The following GCSAML variants were observed in gnomAD, a reference collection of about 807,000 sequenced individuals.
GCSAML encodes germinal center-associated signaling and motility-like protein.
A neutral mutation model predicts 13.0 loss-of-function variants in GCSAML; 9 were observed. The observed-to-expected ratio is 0.69, with a 90% CI of 0.42 to 1.21. GCSAML has a LOEUF of 1.21. GCSAML is among the 50% of genes most tolerant of loss of function. The pLI, the probability that GCSAML is intolerant of heterozygous loss-of-function variation, is 0.00. For missense variants in GCSAML, 143 were observed against 153.4 expected (o/e 0.93, Z 0.36); for synonymous variants, 37 against 52.9 (o/e 0.70, Z 1.31).
intron 1 of GCSAML, among the ~76,000 whole-genome samples, chr1:247,518,037 G>T (rs900119835): frequency 6.6e-6 from 1 of 152,152 alleles, no homozygotes; most frequent in Non-Finnish European, 1.5e-5. Context: ...CTTCCTCAGC[G>T]ACCGGGCCCT....
intron 1 of GCSAML, among the ~76,000 whole-genome samples, chr1:247,513,701 G>T (rs1666119943): frequency 6.6e-6 from 1 of 152,164 alleles, no homozygotes; most frequent in South Asian, 2.1e-4. Context: ...CATAGTATCT[G>T]GGGCTGCAGT....
At chr1:247,560,803 G>A (rs1343286982) in intron 2 of GCSAML, among the ~76,000 whole-genome samples, 1 of 152,098 alleles carries the variant, frequency 6.6e-6, no homozygotes, top group Non-Finnish European at 1.5e-5. Context: ...CGAATTTCAA[G>A]CACACGTTGT....
At chr1:247,514,912 C>A (rs1666161432) in intron 1 of GCSAML, among the ~76,000 whole-genome samples, 1 of 152,048 alleles carries the variant, frequency 6.6e-6, no homozygotes, top group African/African-American at 2.4e-5. Flanking sequence ...CAGATTTGTT[C>A]TTTTTGCTTA....
intron 4 of GCSAML, among the ~76,000 whole-genome samples, chr1:247,567,937 G>A (rs114923911): frequency 4.7e-4 from 72 of 152,232 alleles, no homozygotes; most frequent in Admixed American, 9.8e-4. Flanking sequence ...GTGATGATTA[G>A]CTTTTTTTTC....
intron 2 of GCSAML, chr1:247,528,193 C>T (rs939809145): frequency 1.3e-5 from 2 of 151,996 alleles, no homozygotes; most frequent in African/African-American, 4.8e-5. Flanking sequence ...TCCCCTTCCC[C>T]CACCCCCAAG....
intron 3 of GCSAML, among the ~76,000 whole-genome samples, chr1:247,564,459 G>A (rs1175738015): frequency 6.6e-6 from 1 of 150,874 alleles, no homozygotes; most frequent in African/African-American, 2.4e-5. Context: ...ACTCAAAATC[G>A]ACAGTTATGA....
At position 247,575,872 on chromosome 1, in the gene GCSAML, A is replaced by C. The variant is rs1014111659; in HGVS notation, c.*1490A>C. Reference sequence around the variant, plus strand: ...CCATCTAATTATGCTTTCTTTCCCAAGAAGTTTTTTAATGATATGCCAGCT... The same window carrying C: ...CCATCTAATTATGCTTTCTTTCCCACGAAGTTTTTTAATGATATGCCAGCT... On this transcript the variant is annotated 3_prime_UTR_variant, in exon 5 of 5. Coordinates refer to ENST00000366488, the MANE Select transcript of GCSAML (RefSeq NM_145278.5). 1 of 152,232 alleles carries C rather than the reference A, an allele frequency of 6.6e-6. No homozygotes were observed. The highest frequency in any genetic ancestry group is 1.5e-5 in the Non-Finnish European group (1 of 68,046). 9.4% of individuals were successfully genotyped at this position (152,232 alleles called of 1,614,324 possible).
At chr1:247,571,052 C>T (rs113699246) in intron 4 of GCSAML, among the ~76,000 whole-genome samples, 11,924 of 152,134 alleles carry the variant, frequency 0.078, 636 homozygotes, top group African/African-American at 0.15. Context: ...CCATTTGCTT[C>T]GTAAATCTTC....
chr1:247,540,699 G>T (rs1027589628), intron 2 of GCSAML, among the ~76,000 whole-genome samples: 1 of 152,184 alleles, frequency 6.6e-6, no homozygotes, highest in South Asian at 2.1e-4. Flanking sequence ...AAGAGCAAGT[G>T]GGGGAGGGAG....
At chr1:247,513,558 A>T (rs887676272) in intron 1 of GCSAML, among the ~76,000 whole-genome samples, 5 of 152,186 alleles carry the variant, frequency 3.3e-5, no homozygotes, top group African/African-American at 7.2e-5. Flanking sequence ...TTGTGTATGG[A>T]AAAAGACTCC....
intron 2 of GCSAML, among the ~76,000 whole-genome samples, chr1:247,534,208 T>C (rs1246727270): frequency 6.6e-6 from 1 of 152,214 alleles, no homozygotes; most frequent in Non-Finnish European, 1.5e-5. Context: ...CCCGTCTCGC[T>C]CCACTAGATC....
chr1:247,558,367 T>A (rs1187096226), intron 2 of GCSAML, among the ~76,000 whole-genome samples: 3 of 152,248 alleles, frequency 2.0e-5, no homozygotes, highest in African/African-American at 7.2e-5. Flanking sequence ...AAGGACAGTA[T>A]GAGCTCTTTC....
intron 2 of GCSAML, chr1:247,531,110 C>G (rs1666929725): frequency 5.9e-6 from 1 of 169,290 alleles, no homozygotes; most frequent in Non-Finnish European, 1.3e-5. Flanking sequence ...AAGGCGGAGT[C>G]CCGGGCTCAG....
intron 2 of GCSAML, chr1:247,532,319 C>A: frequency 6.2e-7 from 1 of 1,614,088 alleles, no homozygotes. Flanking sequence ...GGGAGGTTGG[C>A]AAGAAAGAAG....
At chr1:247,546,605 C>T (rs888132853), upstream of GCSAML, among the ~76,000 whole-genome samples, 3 of 151,988 alleles carry the variant, frequency 2.0e-5, no homozygotes, top group African/African-American at 7.3e-5. Context: ...TCATGATCCA[C>T]CCGCCTCGGC....
At chr1:247,513,981 C>T (rs896538802) in intron 1 of GCSAML, among the ~76,000 whole-genome samples, 1 of 151,960 alleles carries the variant, frequency 6.6e-6, no homozygotes, top group African/African-American at 2.4e-5. Flanking sequence ...CCACAACCCC[C>T]CCACCGCCTT....
chr1:247,525,597 C>T (rs1666649168), intron 1 of GCSAML: 2 of 152,268 alleles, frequency 1.3e-5, no homozygotes, highest in Non-Finnish European at 2.9e-5. Context: ...TGCATGCTCT[C>T]TCCAGGTTCA....
intron 2 of GCSAML, among the ~76,000 whole-genome samples, chr1:247,540,714 T>C (rs1667386176): frequency 6.6e-6 from 1 of 152,176 alleles, no homozygotes; most frequent in African/African-American, 2.4e-5. Context: ...AGGGAGGCCT[T>C]ACTTTATTGC....
At chr1:247,538,422 TGCCTATA>T (rs1667295391) in intron 2 of GCSAML, among the ~76,000 whole-genome samples, 2 of 152,202 alleles carry the variant, frequency 1.3e-5, no homozygotes, top group African/African-American at 4.8e-5. Flanking sequence ...CATATCTAAC[TGCCTATA>T]CTACAGCTTC....
Sources: gnomAD v4.1 joint callset for allele counts (sites outside exome capture counted in the v4.1 genomes callset) on GRCh38, gnomAD v4.1.1 for gene constraint, MANE v1.5 for transcripts, NCBI Gene and HGNC (gene_info 2026-07-23, HGNC 2026-07-21) for gene names.